The following PLEKHM1 variants were observed in gnomAD, a reference collection of about 807,000 sequenced individuals.
The protein encoded by PLEKHM1 is pleckstrin homology domain-containing family M member 1.
PLEKHM1 carries 28 observed loss-of-function variants against 94.3 expected under a neutral mutation model. That is an observed-to-expected ratio of 0.30 (90% CI 0.22 to 0.41). The LOEUF is 0.41. Among genes scored for constraint, PLEKHM1 ranks in the 10% least tolerant of loss-of-function variants. The probability of loss-of-function intolerance (pLI) is 1.00; values close to 1 mark genes in which losing one functional copy is unlikely to be tolerated. For missense variants in PLEKHM1, 907 were observed against 1,358.6 expected (o/e 0.67, Z 5.22); for synonymous variants, 424 against 581.2 (o/e 0.73, Z 3.89).
intron 9 of PLEKHM1, among the ~76,000 whole-genome samples, chr17:45,441,505 G>C (rs1242102662): frequency 1.3e-5 from 2 of 152,168 alleles, no homozygotes; most frequent in Non-Finnish European, 2.9e-5. Flanking sequence ...ACAGCAGGCT[G>C]GGGGGACACA....
At position 45,437,431 on chromosome 17, in the gene PLEKHM1, A is replaced by T. The variant is rs772731866; in HGVS notation, c.*427T>A. 2 of 458,262 alleles carry T rather than the reference A, an allele frequency of 4.4e-6. No individual in the cohort carries two copies. Among genetic ancestry groups the T allele is most frequent in the African/African-American group, 4.0e-5 (2 of 50,242 alleles). 28.4% of individuals were successfully genotyped at this position (458,262 alleles called of 1,614,324 possible). A position where few individuals can be genotyped will look rare whatever the true frequency, so the allele number is the denominator to read the frequency against. ...TGACTCACGTAGGGTCAAGAATAAAAAAATACTTTCTGTTGAAATATGAAT... is the reference window on the plus strand; with the variant it reads ...TGACTCACGTAGGGTCAAGAATAAATAAATACTTTCTGTTGAAATATGAAT... On this transcript the variant is annotated 3_prime_UTR_variant, in exon 12 of 12. Coordinates refer to ENST00000430334, the MANE Select transcript of PLEKHM1 (RefSeq NM_014798.3). This position sits in a 1 kb window ranked among gnomAD's most constrained non-coding sequence, Gnocchi z 4.0.
intron 8 of PLEKHM1, among the ~76,000 whole-genome samples, chr17:45,446,977 C>T (rs1383281383): frequency 6.6e-6 from 1 of 152,306 alleles, no homozygotes; most frequent in Middle Eastern, 3.4e-3. Flanking sequence ...AGTGCTTTGG[C>T]CCGGCACTCG....
chr17:45,465,997 G>A (rs903259826), intron 5 of PLEKHM1, among the ~76,000 whole-genome samples: 18 of 152,238 alleles, frequency 1.2e-4, no homozygotes, highest in Non-Finnish European at 2.4e-4. Flanking sequence ...GGGCTGCAGA[G>A]CTTTCCTCTT....
rs1567791614 is a variant in PLEKHM1, at chr17:45,468,577, T to C, written c.940A>G (p.Ser314Gly). ...GGCACAGAGTTTACCTGGGCTTTGC[T>C]GAATTCCAACAATACCCTAGAAGTT... is the stretch of plus-strand genomic sequence containing the variant. ...RSLQEVLLEF[S>G]KAQVNSVPTN... Residue 314 changes from serine to glycine, a missense_variant, in exon 5 of 12, where the codon AGC becomes GGC. By Grantham distance (56) the Ser-to-Gly change is moderately conservative. Coordinates refer to ENST00000430334, the MANE Select transcript of PLEKHM1 (RefSeq NM_014798.3). The C allele has an allele frequency of 6.2e-7, 1 of 1,614,224 alleles. No individual in the cohort carries two copies. Among genetic ancestry groups the C allele is most frequent in the Admixed American group, 1.7e-5 (1 of 60,028 alleles).
chr17:45,480,379 G>A (rs1423688302), intron 2 of PLEKHM1, among the ~76,000 whole-genome samples: 1 of 152,104 alleles, frequency 6.6e-6, no homozygotes, highest in South Asian at 2.1e-4. Context: ...AGCTACTTGG[G>A]AGGCAGAGGC....
At chr17:45,483,241 C>T (rs1422831602) in intron 1 of PLEKHM1, among the ~76,000 whole-genome samples, 10 of 151,980 alleles carry the variant, frequency 6.6e-5, no homozygotes, top group African/African-American at 1.2e-4. Flanking sequence ...ATGCCTGTCA[C>T]GGGGCCTGAT....
At chr17:45,447,909 T>C (rs1027193978) in intron 8 of PLEKHM1, 1 of 152,020 alleles carries the variant, frequency 6.6e-6, no homozygotes, top group Non-Finnish European at 1.5e-5. Context: ...GAGATCCTCC[T>C]ACCTCAGCCT....
intron 4 of PLEKHM1, among the ~76,000 whole-genome samples, chr17:45,472,831 G>A (rs545288728): frequency 2.0e-5 from 3 of 152,290 alleles, no homozygotes; most frequent in South Asian, 2.1e-4. Flanking sequence ...ACCACCCAAC[G>A]CTGGTGCTCT....
rs2050589440 is a variant in PLEKHM1, at chr17:45,445,760, G to T, written c.2644-97C>A. The T allele has an allele frequency of 8.2e-6, 7 of 849,948 alleles. No homozygotes were observed. Among genetic ancestry groups the T allele is most frequent in the Non-Finnish European group, 1.2e-5 (6 of 499,840 alleles). 52.7% of individuals were successfully genotyped at this position (849,948 alleles called of 1,614,324 possible). A position where few individuals can be genotyped will look rare whatever the true frequency, so the allele number is the denominator to read the frequency against. ...CATGACCTGCTCACTTACCTGAGGG[G>T]CTATCTTCATTTTACAGATGGGGAA... On this transcript the variant is annotated intron_variant, in intron 8 of 11. Coordinates refer to ENST00000430334, the MANE Select transcript of PLEKHM1 (RefSeq NM_014798.3). The surrounding 1 kb of genome is among the most constrained non-coding windows in gnomAD (Gnocchi z 4.2).
chr17:45,460,721 C>CA (rs2051127048), intron 5 of PLEKHM1, among the ~76,000 whole-genome samples: 1 of 152,000 alleles, frequency 6.6e-6, no homozygotes, highest in Non-Finnish European at 1.5e-5. Context: ...GCATGCCCAG[C>CA]AAATTTTTTA....
rs567968577 is a variant in PLEKHM1 at position 45,436,278 on chromosome 17, C to T, written c.*1580G>A. 8.8e-6 allele frequency: 4 copies of T among 454,206 alleles called. No homozygotes were observed. In the Admixed American group the frequency reaches 9.4e-5, roughly 11 times the overall value. The allele number at this position is 454,206 out of a possible 1,614,324, so 28.1% of individuals were successfully genotyped here. Reference sequence around the variant, plus strand: ...CTTGTGGTGGAGCGTTAATGTGGGCCATGGCGGTGCATAACCCAGCTCCTG... The same window carrying T: ...CTTGTGGTGGAGCGTTAATGTGGGCTATGGCGGTGCATAACCCAGCTCCTG... On this transcript the variant is annotated 3_prime_UTR_variant, in exon 12 of 12. Transcript: ENST00000430334.
rs2050589260 is a variant in PLEKHM1, at chr17:45,445,755, G to A, written c.2644-92C>T. ...TGCCACATGACCTGCTCACTTACCT[G>A]AGGGGCTATCTTCATTTTACAGATG... On this transcript the variant is annotated intron_variant, in intron 8 of 11. Transcript: ENST00000430334. This position sits in a 1 kb window ranked among gnomAD's most constrained non-coding sequence, Gnocchi z 4.2. 2.4e-5 allele frequency: 21 copies of A among 885,236 alleles called. No individual in the cohort carries two copies. In the Admixed American group the frequency reaches 2.5e-4, roughly 11 times the overall value. 54.8% of individuals were successfully genotyped at this position (885,236 alleles called of 1,614,324 possible).
chr17:45,437,926 C>T lies in PLEKHM1; in HGVS notation c.3103G>A (p.Val1035Met). ...KTVFHQSCQAVVKKGCPRCAR... is the reference protein window; with the variant it reads ...KTVFHQSCQAMVKKGCPRCAR... ...CAGCGGGGGCAGCCCTTCTTCACCA[C>T]AGCCTGGCAGCTCTGGTGGAAGACG... Residue 1035 changes from valine (V) to methionine (M), a missense_variant, in exon 12 of 12, where the codon GTG becomes ATG. By Grantham distance (21) the Val-to-Met change is conservative. Around this residue, in one of 3 missense-constraint regions of PLEKHM1, gnomAD observed 254 missense variants for 451.1 expected, o/e 0.56. Transcript: ENST00000430334. This position sits in a 1 kb window ranked among gnomAD's most constrained non-coding sequence, Gnocchi z 4.0. The T allele has an allele frequency of 2.5e-6, 4 of 1,613,818 alleles. No individual in the cohort carries two copies. The highest frequency in any genetic ancestry group is 3.4e-6 in the Non-Finnish European group (4 of 1,180,026).
At chr17:45,463,071 A>C (rs9910319) in intron 5 of PLEKHM1, among the ~76,000 whole-genome samples, 1 of 142,026 alleles carries the variant, frequency 7.0e-6, no homozygotes, top group Admixed American at 7.2e-5. Flanking sequence ...GGGCAACAGC[A>C]CAAGAGTCTG....
rs2684501 is a variant in PLEKHM1, at chr17:45,453,931, G to C, written c.1921C>G (p.Pro641Ala). 2 of 1,612,416 alleles carry C rather than the reference G, an allele frequency of 1.2e-6. No individual in the cohort carries two copies. The highest frequency in any genetic ancestry group is 1.7e-6 in the Non-Finnish European group (2 of 1,178,730). ...TCGGGGGGTTCCTCAGGCTGGTCTG[G>C]GTACTGCACGTTCACCCACTCATCC... is the stretch of plus-strand genomic sequence containing the variant. ...QEDEWVNVQY[P>A]DQPEEPPEAP... is the part of the protein sequence containing the mutation. Residue 641 changes from proline (P) to alanine (A), a missense_variant, in exon 7 of 12, where the codon CCA becomes GCA. Pro to Ala is a conservative substitution (Grantham distance 27, BLOSUM62 -1). Around this residue, in one of 3 missense-constraint regions of PLEKHM1, gnomAD observed 477 missense variants for 601.5 expected, o/e 0.79. Transcript: ENST00000430334. The surrounding 1 kb of genome is among the most constrained non-coding windows in gnomAD (Gnocchi z 4.1).
intron 1 of PLEKHM1, among the ~76,000 whole-genome samples, chr17:45,487,059 G>A (rs1019067552): frequency 1.3e-5 from 2 of 152,196 alleles, no homozygotes. Context: ...CCTGAAGGGA[G>A]TGAGGCAAAG....
intron 6 of PLEKHM1, among the ~76,000 whole-genome samples, chr17:45,457,928 T>A (rs1260109421): frequency 6.6e-6 from 1 of 152,140 alleles, no homozygotes; most frequent in African/African-American, 2.4e-5. Flanking sequence ...GAAAATATTT[T>A]CCTATTTGAC....
chr17:45,439,451 G>C, intron 11 of PLEKHM1, 26 bp downstream of exon 11: 1 of 1,613,864 alleles, frequency 6.2e-7, no homozygotes, highest in Non-Finnish European at 8.5e-7. Flanking sequence ...GGGGCTGGAA[G>C]GCGGCTGGCT....
At chr17:45,438,572 T>A (rs2050343058) in intron 11 of PLEKHM1, among the ~76,000 whole-genome samples, 1 of 151,932 alleles carries the variant, frequency 6.6e-6, no homozygotes, top group Admixed American at 6.6e-5. Context: ...TTTATTTATT[T>A]ATTTTTCAGA....
Sources: gnomAD v4.1 joint callset for allele counts (sites outside exome capture counted in the v4.1 genomes callset) on GRCh38, gnomAD v4.1.1 for gene constraint, gnomAD v4.1.1 regional missense constraint, Gnocchi (gnomAD v3.1) non-coding constraint, MANE v1.5 for transcripts, NCBI Gene and HGNC (gene_info 2026-07-23, HGNC 2026-07-21) for gene names.